The following EBF1 variants were observed in gnomAD, a reference collection of about 807,000 sequenced individuals.
EBF1 encodes EBF transcription factor 1, also known as transcription factor COE1.
EBF1 carries 10 observed loss-of-function variants against 68.4 expected under a neutral mutation model. The observed-to-expected ratio is 0.15, with a 90% CI of 0.09 to 0.25. EBF1 has a LOEUF of 0.25. Ranked by LOEUF, EBF1 falls within the 10% of genes least tolerant of loss-of-function variation. EBF1 has a pLI of 1.00. For missense variants in EBF1, 509 were observed against 794.4 expected, an observed-to-expected ratio of 0.64 and a Z score of 4.32; for synonymous variants, 298 against 299.8, an observed-to-expected ratio of 0.99 and a Z score of 0.06.
chr5:158,796,782 T>C (rs1170641912), intron 8 of EBF1, among the ~76,000 whole-genome samples: 1 of 152,234 alleles, frequency 6.6e-6, no homozygotes, highest in Non-Finnish European at 1.5e-5. Flanking sequence ...AAGGATTTTT[T>C]TCTTATTAAA....
intron 9 of EBF1, among the ~76,000 whole-genome samples, chr5:158,793,519 C>A (rs1779062113): frequency 6.6e-6 from 1 of 152,086 alleles, no homozygotes; most frequent in African/African-American, 2.4e-5. Flanking sequence ...TGTCATTCTT[C>A]CCTCTCTCAA....
At chr5:158,931,969 C>A (rs1810979703) in intron 6 of EBF1, among the ~76,000 whole-genome samples, 1 of 152,144 alleles carries the variant, frequency 6.6e-6, no homozygotes, top group Non-Finnish European at 1.5e-5. Flanking sequence ...CCTTTAGCAA[C>A]CAGCCATATG....
chr5:158,916,906 C>T (rs1807325459), intron 6 of EBF1, among the ~76,000 whole-genome samples: 2 of 152,164 alleles, frequency 1.3e-5, no homozygotes, highest in South Asian at 4.1e-4. Context: ...TAAACATTGT[C>T]TTTCCTTCTG....
At chr5:158,950,627 C>G (rs1328606175) in intron 6 of EBF1, among the ~76,000 whole-genome samples, 24 of 152,218 alleles carry the variant, frequency 1.6e-4, no homozygotes, top group Admixed American at 1.6e-3. Flanking sequence ...GAAGTACTTC[C>G]TCAGTGGCCT....
At chr5:158,828,351 T>A (rs544847235) in intron 7 of EBF1, among the ~76,000 whole-genome samples, 2 of 152,180 alleles carry the variant, frequency 1.3e-5, no homozygotes, top group Admixed American at 6.5e-5. Flanking sequence ...TATTTTCAGA[T>A]AGGGCTTTGA....
chr5:158,940,501 C>T (rs555787205), intron 6 of EBF1, among the ~76,000 whole-genome samples: 5 of 152,312 alleles, frequency 3.3e-5, no homozygotes, highest in Admixed American at 3.3e-4. Context: ...GGTAAAATAA[C>T]TTCCCCAAGG....
At chr5:158,874,850 C>T (rs1286845252) in intron 6 of EBF1, among the ~76,000 whole-genome samples, 1 of 152,092 alleles carries the variant, frequency 6.6e-6, no homozygotes, top group Non-Finnish European at 1.5e-5. Context: ...AGTAACAGGC[C>T]TCAGAGTGTT....
chr5:158,864,726 G>C (rs916258729), intron 6 of EBF1, among the ~76,000 whole-genome samples: 4 of 152,208 alleles, frequency 2.6e-5, no homozygotes, highest in Non-Finnish European at 4.4e-5. Context: ...GAAGATCTTG[G>C]AAATTATGAT....
At chr5:158,944,891 C>T (rs1157171687) in intron 6 of EBF1, among the ~76,000 whole-genome samples, 1 of 152,172 alleles carries the variant, frequency 6.6e-6, no homozygotes, top group Non-Finnish European at 1.5e-5. Context: ...CTGTTCATTT[C>T]CTTCACCCAC....
intron 6 of EBF1, among the ~76,000 whole-genome samples, chr5:158,920,448 G>T (rs577790848): frequency 6.6e-6 from 1 of 152,202 alleles, no homozygotes; most frequent in South Asian, 2.1e-4. Context: ...AGAATATGTC[G>T]TTCCCTGCCC....
chr5:158,772,345 G>A (rs1445335140), intron 10 of EBF1, among the ~76,000 whole-genome samples: 1 of 152,086 alleles, frequency 6.6e-6, no homozygotes, highest in African/African-American at 2.4e-5. Flanking sequence ...CTGGAAGCTG[G>A]AGTTGAAGCT....
At chr5:158,796,588 A>C in intron 8 of EBF1, 113 bp from the exon 9 acceptor site, 1 of 1,293,542 alleles carries the variant, frequency 7.7e-7, no homozygotes, top group South Asian at 1.9e-5. Context: ...CACTAACAGA[A>C]AGTCCCTCAA....
At chr5:158,997,636 T>C (rs1761677980) in intron 6 of EBF1, among the ~76,000 whole-genome samples, 1 of 152,178 alleles carries the variant, frequency 6.6e-6, no homozygotes, top group Non-Finnish European at 1.5e-5. Context: ...CACTGGTGCT[T>C]GTCCTTACGC....
intron 6 of EBF1, among the ~76,000 whole-genome samples, chr5:158,966,792 C>T (rs374069360): frequency 6.6e-6 from 1 of 152,190 alleles, no homozygotes; most frequent in Non-Finnish European, 1.5e-5. Context: ...GTCCAAATCA[C>T]CTTTTTAGAC....
chr5:158,880,118 C>T (rs770159690), intron 6 of EBF1, among the ~76,000 whole-genome samples: 10 of 152,338 alleles, frequency 6.6e-5, no homozygotes, highest in Admixed American at 1.3e-4. Context: ...GCCCCACGGC[C>T]TCTTTTGGGA....
intron 6 of EBF1, among the ~76,000 whole-genome samples, chr5:159,071,801 A>G (rs1261728996): frequency 6.6e-6 from 1 of 152,126 alleles, no homozygotes; most frequent in Non-Finnish European, 1.5e-5. Flanking sequence ...CATCTAAACC[A>G]AAAGGAACTA....
intron 6 of EBF1, among the ~76,000 whole-genome samples, chr5:158,854,912 GA>G: frequency 6.6e-6 from 1 of 152,258 alleles, no homozygotes; most frequent in East Asian, 1.9e-4. Flanking sequence ...TCATTCTAAT[GA>G]ATTCTTACCA....
chr5:159,029,812 G>T (rs1193531609), intron 6 of EBF1, among the ~76,000 whole-genome samples: 1 of 151,930 alleles, frequency 6.6e-6, no homozygotes, highest in Non-Finnish European at 1.5e-5. Context: ...AAATTAGCTG[G>T]GTATGGTAGT....
chr5:158,713,227 G>T (rs1042404596), intron 12 of EBF1, 80 bp from the exon 13 acceptor site: 8 of 1,225,754 alleles, frequency 6.5e-6, no homozygotes, highest in Non-Finnish European at 8.4e-6. Flanking sequence ...GCCAGGTACC[G>T]TGCTCAGGGT....
Sources: allele counts gnomAD v4.1 joint callset (sites outside exome capture counted in the v4.1 genomes callset), GRCh38; gene constraint gnomAD v4.1.1; transcripts MANE v1.5; gene names NCBI Gene and HGNC (gene_info 2026-07-23, HGNC 2026-07-21).